The following NRXN3 variants were observed in gnomAD, a reference collection of about 807,000 sequenced individuals.
NRXN3 encodes the protein neurexin 3, also known as neurexin III.
In NRXN3, 32 loss-of-function variants were observed where a neutral mutation model predicts 137.6. That is an observed-to-expected ratio of 0.23 (90% CI 0.18 to 0.31). The LOEUF is 0.31. Among genes scored for constraint, NRXN3 ranks in the 10% least tolerant of loss-of-function variants. The pLI, the probability that NRXN3 is intolerant of heterozygous loss-of-function variation, is 1.00. For synonymous variants in NRXN3, 798 were observed against 784.5 expected (o/e 1.02, Z -0.29); for missense variants, 1,574 against 2,062.5 (o/e 0.76, Z 4.59).
At chr14:78,522,019 T>C (rs1019949001) in intron 4 of NRXN3, among the ~76,000 whole-genome samples, 1 of 152,104 alleles carries the variant, frequency 6.6e-6, no homozygotes, top group Non-Finnish European at 1.5e-5. Flanking sequence ...ATAAAATATT[T>C]TTACTGTTTA....
intron 2 of NRXN3, among the ~76,000 whole-genome samples, chr14:78,258,366 T>A (rs1461404642): frequency 6.6e-6 from 1 of 152,090 alleles, no homozygotes; most frequent in Non-Finnish European, 1.5e-5. Flanking sequence ...TTATCCTGCC[T>A]TCCTTGCAGA....
intron 16 of NRXN3, among the ~76,000 whole-genome samples, chr14:79,557,324 C>A (rs75480256): frequency 0.071 from 10,859 of 151,938 alleles, 499 homozygotes; most frequent in Middle Eastern, 0.13. Flanking sequence ...CTGCCCCCTG[C>A]AAAAACCTAG....
At chr14:78,635,605 C>G (rs745422683) in intron 4 of NRXN3, among the ~76,000 whole-genome samples, 1 of 152,154 alleles carries the variant, frequency 6.6e-6, no homozygotes, top group Admixed American at 6.5e-5. Context: ...AGCTCTGTGT[C>G]CCTCCTAACA....
At chr14:79,216,160 T>A (rs923255299) in intron 15 of NRXN3, among the ~76,000 whole-genome samples, 2 of 152,096 alleles carry the variant, frequency 1.3e-5, no homozygotes, top group Non-Finnish European at 2.9e-5. Flanking sequence ...TATTCACGTG[T>A]CTGTGTCTGA....
chr14:78,216,653 A>G (rs1169033249), intron 1 of NRXN3, among the ~76,000 whole-genome samples: 2 of 152,240 alleles, frequency 1.3e-5, no homozygotes, highest in African/African-American at 4.8e-5. Flanking sequence ...AGCTTTATGC[A>G]TTAGTTTCCT....
intron 4 of NRXN3, among the ~76,000 whole-genome samples, chr14:78,615,590 G>A (rs762016202): frequency 4.6e-5 from 7 of 151,884 alleles, no homozygotes; most frequent in African/African-American, 1.5e-4. Flanking sequence ...CAGCCTGGGC[G>A]ACAGTGTGAG....
intron 4 of NRXN3, among the ~76,000 whole-genome samples, chr14:78,593,338 C>T (rs948018284): frequency 7.9e-5 from 12 of 152,294 alleles, no homozygotes; most frequent in Middle Eastern, 6.8e-3. Flanking sequence ...TCTCTGAAAG[C>T]GTCCCTCTAG....
chr14:78,296,995 C>T (rs902441254), intron 3 of NRXN3, among the ~76,000 whole-genome samples: 2 of 152,176 alleles, frequency 1.3e-5, no homozygotes, highest in African/African-American at 4.8e-5. Flanking sequence ...TTTATCAAGG[C>T]TTGTGCTTTC....
intron 19 of NRXN3, among the ~76,000 whole-genome samples, chr14:79,750,981 A>T (rs2098995526): frequency 1.3e-5 from 2 of 151,906 alleles, no homozygotes; most frequent in African/African-American, 2.4e-5. Context: ...TTTAACATGA[A>T]ATTTCTAATT....
intron 2 of NRXN3, among the ~76,000 whole-genome samples, chr14:78,263,166 T>C (rs1381798728): frequency 3.3e-5 from 5 of 152,202 alleles, no homozygotes; most frequent in Admixed American, 3.3e-4. Context: ...TCTTTCTTGG[T>C]AGTAGAGAAA....
At chr14:79,339,150 T>A (rs537739437) in intron 15 of NRXN3, among the ~76,000 whole-genome samples, 1 of 150,422 alleles carries the variant, frequency 6.6e-6, no homozygotes, top group Non-Finnish European at 1.5e-5. Context: ...CAAGGTTACC[T>A]TCACAGTAAC....
At chr14:78,851,404 G>GC (rs1567511030) in intron 10 of NRXN3, among the ~76,000 whole-genome samples, 2 of 152,202 alleles carry the variant, frequency 1.3e-5, no homozygotes, top group Non-Finnish European at 2.9e-5. Flanking sequence ...TCTTGGGACA[G>GC]CACTGCCTGA....
intron 4 of NRXN3, among the ~76,000 whole-genome samples, chr14:78,515,676 G>A (rs933586368): frequency 6.6e-6 from 1 of 152,050 alleles, no homozygotes; most frequent in Non-Finnish European, 1.5e-5. Context: ...CTGTCTTCAG[G>A]CAGATAGGGG....
intron 8 of NRXN3, among the ~76,000 whole-genome samples, chr14:78,746,824 G>A (rs1421922515): frequency 6.6e-6 from 1 of 152,190 alleles, no homozygotes; most frequent in East Asian, 1.9e-4. Flanking sequence ...TTCTCCAAGA[G>A]TAGTGCCTTT....
chr14:79,634,674 G>A lies in NRXN3; in HGVS notation c.3445-29104G>A, dbSNP rs1161034983. On this transcript the variant is annotated intron_variant, in intron 16 of 20. Coordinates refer to ENST00000335750, the MANE Select transcript of NRXN3 (RefSeq NM_001330195.2). ...TACCCGTGAGCTATATGCCCTCTGG[G>A]TTTCTCCTCATCCATCTGCCCCCAA... 2.6e-5 allele frequency among the ~76,000 whole-genome samples: 4 copies of A among 152,120 alleles called. 1 individual carries two copies. Among genetic ancestry groups the A allele is most frequent in the Non-Finnish European group, 5.9e-5 (4 of 68,026 alleles).
chr14:78,977,576 C>T (rs2099472299), intron 14 of NRXN3, among the ~76,000 whole-genome samples: 1 of 152,058 alleles, frequency 6.6e-6, no homozygotes, highest in Admixed American at 6.6e-5. Flanking sequence ...CCAGGCATCC[C>T]ATGAAAATAG....
intron 15 of NRXN3, chr14:79,247,308 G>C (rs1010178231): frequency 6.6e-6 from 1 of 151,990 alleles, no homozygotes; most frequent in African/African-American, 2.4e-5. Context: ...TTCTAAGTAA[G>C]TCCTGCAGTC....
intron 17 of NRXN3, among the ~76,000 whole-genome samples, chr14:79,684,244 A>G (rs1360133813): frequency 2.0e-5 from 3 of 151,398 alleles, no homozygotes; most frequent in Admixed American, 2.0e-4. Flanking sequence ...TTCATAAAGT[A>G]TGTTGTATGA....
Position 78,243,088 on chromosome 14 carries a change from G to T in NRXN3, c.-6G>T. 6.6e-7 allele frequency: 1 copy of T among 1,508,172 alleles called. No individual in the cohort carries two copies. The highest frequency in any genetic ancestry group is 8.8e-7 in the Non-Finnish European group (1 of 1,132,978). The allele number at this position is 1,508,172 out of a possible 1,614,324, so 93.4% of individuals were successfully genotyped here. A position where few individuals can be genotyped will look rare whatever the true frequency, so the allele number is the denominator to read the frequency against. On this transcript the variant is annotated 5_prime_UTR_variant, in exon 2 of 21. Transcript: ENST00000335750. The surrounding 1 kb of genome is among the most constrained non-coding windows in gnomAD (Gnocchi z 4.2). ...TGCTCCTCCGGGCTCTGTCCCAGCAGCGACAATGAGCTCCACACTCCACTC... is the reference window on the plus strand; with the variant it reads ...TGCTCCTCCGGGCTCTGTCCCAGCATCGACAATGAGCTCCACACTCCACTC...
Sources: gnomAD v4.1 joint callset for allele counts (sites outside exome capture counted in the v4.1 genomes callset) on GRCh38, gnomAD v4.1.1 for gene constraint, Gnocchi (gnomAD v3.1) non-coding constraint, MANE v1.5 for transcripts, NCBI Gene and HGNC (gene_info 2026-07-23, HGNC 2026-07-21) for gene names.